The following LEPR variants were observed in gnomAD, a reference collection of about 807,000 sequenced individuals.
LEPR encodes the protein leptin receptor.
In LEPR, 56 loss-of-function variants were observed where a neutral mutation model predicts 114.7. The ratio of observed to expected loss-of-function variants is 0.49; its 90% confidence interval spans 0.39 to 0.61. LEPR has a LOEUF of 0.61. LEPR is among the 20% of genes least tolerant of loss of function. The pLI is 0.00. For missense variants in LEPR, 1,202 were observed against 1,352.9 expected (o/e 0.89, Z 1.75); for synonymous variants, 443 against 461.4 (o/e 0.96, Z 0.51).
At chr1:65,630,503 G>A (rs1227069301) in intron 19 of LEPR, 5 of 150,370 alleles carry the variant, frequency 3.3e-5, no homozygotes, top group African/African-American at 1.2e-4. Flanking sequence ...TTTATTTAAT[G>A]TGGTTATTTT....
intron 2 of LEPR, among the ~76,000 whole-genome samples, chr1:65,428,571 C>A (rs1646424575): frequency 6.6e-6 from 1 of 152,132 alleles, no homozygotes; most frequent in South Asian, 2.1e-4. Context: ...TCCCTTCTTG[C>A]CTTTTGGTTG....
intron 2 of LEPR, among the ~76,000 whole-genome samples, chr1:65,513,979 T>TA (rs1172734808): frequency 7.9e-5 from 12 of 152,174 alleles, no homozygotes; most frequent in Admixed American, 3.3e-4. Flanking sequence ...GGCAAATAGA[T>TA]AAAGAAAATT....
chr1:65,619,741 C>T (rs1657760689), intron 16 of LEPR, among the ~76,000 whole-genome samples, 187 bp from the exon 17 acceptor site: 1 of 152,128 alleles, frequency 6.6e-6, no homozygotes, highest in Non-Finnish European at 1.5e-5. Context: ...AAACTATTGT[C>T]ATGACTAGAT....
intron 14 of LEPR, among the ~76,000 whole-genome samples, 177 bp from the exon 15 acceptor site, chr1:65,615,831 T>A (rs113138714): frequency 2.0e-5 from 3 of 152,320 alleles, no homozygotes; most frequent in African/African-American, 7.2e-5. Flanking sequence ...TCATGGAGAC[T>A]GTGGCAGAGG....
intron 2 of LEPR, among the ~76,000 whole-genome samples, chr1:65,426,496 G>A (rs1646373620): frequency 6.6e-6 from 1 of 152,114 alleles, no homozygotes; most frequent in Admixed American, 6.5e-5. Flanking sequence ...ATAGGAAAGA[G>A]CTGAGACTGC....
At chr1:65,586,922 A>C (rs1432788970) in intron 5 of LEPR, among the ~76,000 whole-genome samples, 1 of 152,104 alleles carries the variant, frequency 6.6e-6, no homozygotes, top group Non-Finnish European at 1.5e-5. Context: ...GTGTATTACA[A>C]TTATTAACAA....
chr1:65,598,514 G>C, intron 7 of LEPR, 146 bp from the exon 8 acceptor site: 1 of 1,199,700 alleles, frequency 8.3e-7, no homozygotes, highest in Admixed American at 2.7e-5. Flanking sequence ...TTTGGTTATT[G>C]ATGTTTGTTT....
chr1:65,441,017 A>G (rs1287607976), intron 2 of LEPR, among the ~76,000 whole-genome samples: 9 of 152,238 alleles, frequency 5.9e-5, no homozygotes, highest in African/African-American at 2.2e-4. Context: ...ACAGAATCAC[A>G]GTTATGTGCA....
At chr1:65,597,659 G>A (rs1163164209) in intron 7 of LEPR, among the ~76,000 whole-genome samples, 5 of 152,118 alleles carry the variant, frequency 3.3e-5, no homozygotes, top group Non-Finnish European at 5.9e-5. Flanking sequence ...GGAAGAGAAT[G>A]TGGAGCTCAA....
intron 2 of LEPR, among the ~76,000 whole-genome samples, chr1:65,483,662 T>C (rs1448242539): frequency 1.3e-5 from 2 of 152,200 alleles, no homozygotes; most frequent in African/African-American, 4.8e-5. Context: ...TACTTTCCCA[T>C]CACTCTTGCC....
At chr1:65,456,247 G>C (rs1023917618) in intron 2 of LEPR, among the ~76,000 whole-genome samples, 1 of 151,982 alleles carries the variant, frequency 6.6e-6, no homozygotes, top group African/African-American at 2.4e-5. Flanking sequence ...CGTCTTCTGC[G>C]TGGCTCACGC....
intron 5 of LEPR, among the ~76,000 whole-genome samples, chr1:65,591,248 G>A (rs1468731135): frequency 6.6e-6 from 1 of 151,992 alleles, no homozygotes; most frequent in Non-Finnish European, 1.5e-5. Context: ...ACCAGAATAT[G>A]GTCTTCCTTG....
At chr1:65,492,712 G>A (rs1647939067) in intron 2 of LEPR, among the ~76,000 whole-genome samples, 1 of 151,170 alleles carries the variant, frequency 6.6e-6, no homozygotes, top group African/African-American at 2.4e-5. Context: ...TTAGGTATAC[G>A]TTACCATGAT....
At chr1:65,596,694 C>A (rs2100914478) in intron 7 of LEPR, 101 bp downstream of exon 7, 1 of 1,030,274 alleles carries the variant, frequency 9.7e-7, no homozygotes, top group South Asian at 1.5e-5. Flanking sequence ...ATATACATTT[C>A]TTCTAAAGCA....
chr1:65,425,491 G>C, intron 2 of LEPR, 113 bp downstream of exon 2: 1 of 813,394 alleles, frequency 1.2e-6, no homozygotes, highest in East Asian at 2.9e-5. Context: ...GTGAGTTAGT[G>C]GAGCCCAGTT....
In LEPR at chr1:65,617,969, A is replaced by T; in HGVS notation, c.2218A>T (p.Ile740Phe). The T allele has an allele frequency of 6.2e-7, 1 of 1,608,482 alleles. No homozygotes were observed. The highest frequency in any genetic ancestry group is 8.5e-7 in the Non-Finnish European group (1 of 1,177,686). The change falls in exon 16 of 20, where the codon ATC (isoleucine) becomes TTC (phenylalanine). Residue 740 changes from isoleucine to phenylalanine, a missense_variant. Transcript: ENST00000349533. ...TFSWPMSKVN[I>F]VQSLSAYPLN... The stretch of plus-strand genomic sequence containing the variant: ...TTTCCTTCTTTTCCCCTCAGTAAAT[A>T]TCGTGCAGTCACTCAGTGCTTATCC...
chr1:65,538,722 G>A (rs1407899195), intron 2 of LEPR, among the ~76,000 whole-genome samples: 7 of 151,320 alleles, frequency 4.6e-5, no homozygotes, highest in Admixed American at 1.3e-4. Context: ...TTTCTTCTCT[G>A]GAATCTTTTC....
intron 2 of LEPR, among the ~76,000 whole-genome samples, chr1:65,485,790 G>T (rs1647455740): frequency 6.6e-6 from 1 of 152,054 alleles, no homozygotes; most frequent in Admixed American, 6.6e-5. Flanking sequence ...GAGCCATTGT[G>T]GGTCTCTTTG....
At position 65,527,874 on chromosome 1, in the gene LEPR, G is replaced by A. The variant is rs371586315; in HGVS notation, c.-20-37672G>A. Among the ~76,000 whole-genome samples the A allele has an allele frequency of 6.6e-5, 10 of 152,102 alleles. No homozygotes were observed. In the East Asian group the frequency reaches 1.3e-3, roughly 21 times the overall value. ...TTGCTTGTTGAGTGAACAGGGAATC[G>A]TAGAACTCAAATATACCCTGGTTGC... On this transcript the variant is annotated intron_variant, in intron 2 of 19. Coordinates refer to ENST00000349533, the MANE Select transcript of LEPR (RefSeq NM_002303.6).
Sources: allele counts gnomAD v4.1 joint callset (sites outside exome capture counted in the v4.1 genomes callset), GRCh38; gene constraint gnomAD v4.1.1; transcripts MANE v1.5; gene names NCBI Gene and HGNC (gene_info 2026-07-23, HGNC 2026-07-21).